Variants in XIRP2 observed in about 807,000 individuals in gnomAD.
The protein encoded by XIRP2 is xin actin binding repeat containing 2, also known as xin actin-binding repeat-containing protein 2.
In XIRP2, 236 loss-of-function variants were observed where a neutral mutation model predicts 277.0. The ratio of observed to expected loss-of-function variants is 0.85; its 90% CI spans 0.77 to 0.95. The LOEUF (loss-of-function observed/expected upper bound fraction) is 0.95, where lower values mean the gene tolerates loss of function less well. XIRP2 is among the 40% of genes least tolerant of loss of function. The pLI, the probability that XIRP2 is intolerant of heterozygous loss-of-function variation, is 0.00. For missense variants in XIRP2, 4,640 were observed against 4,157.5 expected, an observed-to-expected ratio of 1.12 and a Z score of -3.19; for synonymous variants, 1,490 against 1,416.5, an observed-to-expected ratio of 1.05 and a Z score of -1.17.
rs761626213 is a variant in XIRP2, at chr2:167,241,894, C to T, written c.1160C>T (p.Pro387Leu). The change falls in exon 8 of 11, where the codon CCA becomes CTA. Residue 387 changes from proline (P) to leucine (L), a missense_variant. Physicochemically the swap from Pro to Leu is moderately conservative, Grantham distance 98 (BLOSUM62 -3). Coordinates refer to ENST00000409195, the MANE Select transcript of XIRP2 (RefSeq NM_152381.6). Reference sequence around the variant, plus strand: ...TATTCTGACAAAGAGATGACAACCCCAGCCAAGCAGATTAAGGTAAAGTCA... The same window carrying T: ...TATTCTGACAAAGAGATGACAACCCTAGCCAAGCAGATTAAGGTAAAGTCA... ...ILYSDKEMTTPAKQIKTESEY... is the reference protein window; with the variant it reads ...ILYSDKEMTTLAKQIKTESEY... The T allele has an allele frequency of 1.9e-6, 3 of 1,612,390 alleles. No homozygotes were observed. The highest frequency in any genetic ancestry group is 2.5e-6 in the Non-Finnish European group (3 of 1,179,320).
intron 2 of XIRP2, among the ~76,000 whole-genome samples, chr2:166,906,768 G>A (rs1278205184): frequency 6.6e-6 from 1 of 151,976 alleles, no homozygotes; most frequent in Non-Finnish European, 1.5e-5. Context: ...AACAGCCCAG[G>A]CAACCCATAG....
intron 2 of XIRP2, among the ~76,000 whole-genome samples, chr2:167,130,410 T>C (rs1007147355): frequency 2.0e-5 from 3 of 152,178 alleles, no homozygotes; most frequent in Non-Finnish European, 1.5e-5. Context: ...GACACCATCA[T>C]GGCCTCTGAG....
At chr2:166,955,097 C>T (rs1386456157) in intron 2 of XIRP2, among the ~76,000 whole-genome samples, 1 of 151,668 alleles carries the variant, frequency 6.6e-6, no homozygotes, top group Non-Finnish European at 1.5e-5. Flanking sequence ...CTTTGTAAAA[C>T]ATATCAAAAT....
intron 2 of XIRP2, among the ~76,000 whole-genome samples, chr2:167,125,409 G>A (rs562574612): frequency 2.6e-5 from 4 of 152,276 alleles, no homozygotes; most frequent in Non-Finnish European, 5.9e-5. Flanking sequence ...TAGGGAAACA[G>A]GATGATGCAG....
At chr2:166,942,012 G>A (rs1455807881) in intron 2 of XIRP2, among the ~76,000 whole-genome samples, 4 of 152,102 alleles carry the variant, frequency 2.6e-5, no homozygotes, top group Non-Finnish European at 1.5e-5. Flanking sequence ...GTTCCTTCCA[G>A]TTATTCTGCC....
intron 3 of XIRP2, among the ~76,000 whole-genome samples, chr2:167,190,758 GT>G (rs967428309): frequency 1.3e-5 from 2 of 152,250 alleles, no homozygotes; most frequent in African/African-American, 4.8e-5. Flanking sequence ...ACGTGTATGA[GT>G]TTTTCACAAC....
chr2:167,198,672 T>A (rs1693592541), intron 3 of XIRP2, among the ~76,000 whole-genome samples: 1 of 152,228 alleles, frequency 6.6e-6, no homozygotes, highest in African/African-American at 2.4e-5. Context: ...TTTGAGATAC[T>A]ATTTTTCAAA....
chr2:167,194,012 G>A (rs1693427562), intron 3 of XIRP2, among the ~76,000 whole-genome samples: 1 of 151,908 alleles, frequency 6.6e-6, no homozygotes, highest in Non-Finnish European at 1.5e-5. Context: ...TCCAGGGGTG[G>A]ATATATAAAA....
At chr2:167,026,399 C>T (rs1160785551) in intron 2 of XIRP2, among the ~76,000 whole-genome samples, 2 of 152,150 alleles carry the variant, frequency 1.3e-5, no homozygotes, top group Non-Finnish European at 1.5e-5. Context: ...AGGGTCTTGA[C>T]TCTTTATCCA....
chr2:167,048,215 T>G (rs1688836037), intron 2 of XIRP2, among the ~76,000 whole-genome samples: 1 of 151,996 alleles, frequency 6.6e-6, no homozygotes, highest in Non-Finnish European at 1.5e-5. Flanking sequence ...TGCATTATTT[T>G]TATTCTCTAC....
chr2:167,172,046 G>A (rs187685989), intron 3 of XIRP2, among the ~76,000 whole-genome samples: 24 of 152,236 alleles, frequency 1.6e-4, no homozygotes, highest in South Asian at 2.1e-4. Context: ...AGGGGAACCC[G>A]CCCCCGATAA....
chr2:166,988,643 C>T (rs1687082965), intron 2 of XIRP2, among the ~76,000 whole-genome samples: 1 of 122,296 alleles, frequency 8.2e-6, no homozygotes, highest in Non-Finnish European at 1.7e-5. Context: ...CGAGGCATTG[C>T]CTCACCTGGG....
chr2:167,025,063 G>A (rs973024841), intron 2 of XIRP2, among the ~76,000 whole-genome samples: 84 of 152,070 alleles, frequency 5.5e-4, no homozygotes, highest in African/African-American at 1.8e-3. Flanking sequence ...GGTAGAATTC[G>A]GCTGTGAATC....
At chr2:166,975,186 A>G (rs1012284414) in intron 2 of XIRP2, among the ~76,000 whole-genome samples, 1 of 152,214 alleles carries the variant, frequency 6.6e-6, no homozygotes, top group East Asian at 1.9e-4. Flanking sequence ...GGATAAATAG[A>G]TCTACAACAG....
intron 3 of XIRP2, among the ~76,000 whole-genome samples, chr2:167,175,793 GC>G (rs1692824899): frequency 6.6e-6 from 1 of 152,140 alleles, no homozygotes. Context: ...TTATCTATAA[GC>G]CCCTGACTGG....
At chr2:167,204,957 G>A (rs780545289) in intron 3 of XIRP2, among the ~76,000 whole-genome samples, 3 of 151,990 alleles carry the variant, frequency 2.0e-5, no homozygotes, top group Admixed American at 6.6e-5. Flanking sequence ...TGTGAGGTGG[G>A]GATTTCTTAA....
chr2:167,198,629 T>A (rs1358504764), intron 3 of XIRP2, among the ~76,000 whole-genome samples: 1 of 152,212 alleles, frequency 6.6e-6, no homozygotes, highest in Non-Finnish European at 1.5e-5. Context: ...GATGAAGTAA[T>A]TAAAGGCCAC....
intron 2 of XIRP2, among the ~76,000 whole-genome samples, chr2:166,998,793 T>C (rs6715263): frequency 0.097 from 14,810 of 152,170 alleles, 1,195 homozygotes; most frequent in East Asian, 0.38. Flanking sequence ...TTGTCTTGCT[T>C]CTTCACATGC....
At position 167,088,849 on chromosome 2, in the gene XIRP2, C is replaced by G. The variant is rs151278231; in HGVS notation, c.409-47060C>G. Among the ~76,000 whole-genome samples, 443 of 152,262 alleles carry G rather than the reference C, an allele frequency of 2.9e-3. 4 individuals are homozygous for G. The highest frequency in any genetic ancestry group is 0.01 in the African/African-American group (419 of 41,524). ...TCACATTTTCTCAGAAAAGCATTCA[C>G]TATGCCCCAAGATAGATCACATTTT... On this transcript the variant is annotated intron_variant, in intron 2 of 10. Transcript: ENST00000409195.
Sources: allele counts gnomAD v4.1 joint callset (sites outside exome capture counted in the v4.1 genomes callset), GRCh38; gene constraint gnomAD v4.1.1; transcripts MANE v1.5; gene names NCBI Gene and HGNC (gene_info 2026-07-23, HGNC 2026-07-21).